The following CREB5 variants were observed in gnomAD, a reference collection of about 807,000 sequenced individuals.
CREB5 encodes the protein cyclic AMP-responsive element-binding protein 5.
In CREB5, 19 loss-of-function variants were observed where a neutral mutation model predicts 57.1. That is an observed-to-expected ratio of 0.33 (90% CI 0.23 to 0.49). The LOEUF (loss-of-function observed/expected upper bound fraction) is 0.49. Among genes scored for constraint, CREB5 ranks in the 20% least tolerant of loss-of-function variants. CREB5 has a pLI of 0.99. For missense variants in CREB5, 579 were observed against 671.6 expected (o/e 0.86, Z 1.52); for synonymous variants, 238 against 238.3 (o/e 1.00, Z 0.01).
chr7:28,479,305 G>A (rs915799296), intron 1 of CREB5, among the ~76,000 whole-genome samples: 13 of 152,118 alleles, frequency 8.5e-5, no homozygotes, highest in Admixed American at 5.9e-4. Context: ...CATATCCCAG[G>A]CCCCTTCCCA....
At chr7:28,754,687 G>A (rs1312193414) in intron 7 of CREB5, among the ~76,000 whole-genome samples, 4 of 152,132 alleles carry the variant, frequency 2.6e-5, no homozygotes, top group Admixed American at 6.5e-5. Context: ...CAGCCAACAC[G>A]ATCCTCATTA....
Position 28,449,872 on chromosome 7 carries a change from T to C in CREB5, c.3+36955T>C, listed in dbSNP as rs1380787269. 2.6e-5 allele frequency among the ~76,000 whole-genome samples: 4 copies of C among 152,336 alleles called. No homozygotes were observed. The East Asian group carries it at 7.7e-4, about 29-fold the overall frequency. On this transcript the variant is annotated intron_variant, in intron 1 of 10. Coordinates refer to ENST00000357727, the MANE Select transcript of CREB5 (RefSeq NM_182898.4). ...TCTCCTAAAAAGGTTTCTGTCAACCTTTCCTCTTTCTCCTATCTCCCTCCC... is the reference window on the plus strand; with the variant it reads ...TCTCCTAAAAAGGTTTCTGTCAACCCTTCCTCTTTCTCCTATCTCCCTCCC...
At chr7:28,657,470 C>A (rs974161718) in intron 5 of CREB5, among the ~76,000 whole-genome samples, 3 of 152,128 alleles carry the variant, frequency 2.0e-5, no homozygotes, top group Non-Finnish European at 4.4e-5. Context: ...GTGGCTCATG[C>A]CTGTAATCCC....
At chr7:28,811,620 C>A (rs1440800851) in intron 9 of CREB5, among the ~76,000 whole-genome samples, 1 of 152,126 alleles carries the variant, frequency 6.6e-6, no homozygotes, top group African/African-American at 2.4e-5. Flanking sequence ...ACCCTCCCAC[C>A]TCGGCCTACA....
chr7:28,508,402 T>C (rs1385740610), intron 4 of CREB5, among the ~76,000 whole-genome samples: 1 of 152,192 alleles, frequency 6.6e-6, no homozygotes, highest in African/African-American at 2.4e-5. Flanking sequence ...TTTTGTTCAT[T>C]GTTATTATAC....
At position 28,819,437 on chromosome 7, in the gene CREB5, T is replaced by TA; in HGVS notation, c.*159dup. ...GTTATTATGGAAATGTTGTCTTTTA[T>TA]ACTTAGTTATATAAGAAAAAAGGGA... On this transcript the variant is annotated 3_prime_UTR_variant, in exon 11 of 11. Coordinates refer to ENST00000357727, the MANE Select transcript of CREB5 (RefSeq NM_182898.4). 2 of 692,568 alleles carry TA rather than the reference T, an allele frequency of 2.9e-6. No individual in the cohort carries two copies. The highest frequency in any genetic ancestry group is 4.5e-6 in the Non-Finnish European group (2 of 444,094). 42.9% of individuals were successfully genotyped at this position (692,568 alleles called of 1,614,324 possible). A position where few individuals can be genotyped will look rare whatever the true frequency, so the allele number is the denominator to read the frequency against.
intron 1 of CREB5, among the ~76,000 whole-genome samples, chr7:28,321,322 C>T (rs918883400): frequency 1.2e-4 from 18 of 152,068 alleles, no homozygotes; most frequent in East Asian, 1.2e-3. Flanking sequence ...ATTGTACATG[C>T]GAAATGGCCA....
intron 4 of CREB5, among the ~76,000 whole-genome samples, chr7:28,529,849 C>T (rs1272918606): frequency 2.0e-5 from 3 of 152,174 alleles, no homozygotes; most frequent in Admixed American, 1.3e-4. Flanking sequence ...CCTTTCTATA[C>T]GTTAATCTGC....
intron 1 of CREB5, among the ~76,000 whole-genome samples, chr7:28,392,693 T>A (rs1052484615): frequency 6.6e-6 from 1 of 152,180 alleles, no homozygotes; most frequent in East Asian, 1.9e-4. Context: ...TTTAGAGTGA[T>A]CTGATAGTTC....
chr7:28,473,572 G>A (rs142697581), intron 1 of CREB5, among the ~76,000 whole-genome samples: 26 of 152,288 alleles, frequency 1.7e-4, no homozygotes, highest in African/African-American at 6.3e-4. Context: ...GCCTGGCCCT[G>A]GTAGGTCCTC....
chr7:28,731,737 A>G (rs1309713663), intron 7 of CREB5, among the ~76,000 whole-genome samples: 1 of 152,168 alleles, frequency 6.6e-6, no homozygotes, highest in African/African-American at 2.4e-5. Context: ...ATTTTCTGCA[A>G]TTTGGTTATT....
At chr7:28,561,462 C>T (rs1157261845) in intron 4 of CREB5, among the ~76,000 whole-genome samples, 4 of 152,164 alleles carry the variant, frequency 2.6e-5, no homozygotes, top group Non-Finnish European at 4.4e-5. Flanking sequence ...TGGCTGCTAA[C>T]GTTTATTGGA....
At chr7:28,314,500 T>C (rs1785338895) in intron 1 of CREB5, among the ~76,000 whole-genome samples, 1 of 152,242 alleles carries the variant, frequency 6.6e-6, no homozygotes, top group Non-Finnish European at 1.5e-5. Context: ...TCAGTATCTC[T>C]GAGCTTCATT....
At chr7:28,643,756 G>GT (rs1478078632) in intron 5 of CREB5, among the ~76,000 whole-genome samples, 2 of 82,164 alleles carry the variant, frequency 2.4e-5, no homozygotes, top group African/African-American at 5.1e-5. Flanking sequence ...GGAGGTGGGG[G>GT]GGGGCGGAAG....
chr7:28,399,779 G>A (rs1787415269), intron 1 of CREB5, among the ~76,000 whole-genome samples: 1 of 152,122 alleles, frequency 6.6e-6, no homozygotes, highest in Non-Finnish European at 1.5e-5. Context: ...AGTACAGCTG[G>A]GCGTGGTGGC....
At chr7:28,719,229 G>A (rs965940343) in intron 6 of CREB5, among the ~76,000 whole-genome samples, 7 of 151,038 alleles carry the variant, frequency 4.6e-5, no homozygotes, top group African/African-American at 9.7e-5. Flanking sequence ...CCAGTGAGTC[G>A]TCTAACCAGG....
chr7:28,356,225 A>G (rs1011414226), intron 1 of CREB5, among the ~76,000 whole-genome samples: 17 of 152,214 alleles, frequency 1.1e-4, no homozygotes, highest in South Asian at 4.1e-4. Context: ...ACTCTCCGAC[A>G]AAGTGAATGG....
intron 4 of CREB5, among the ~76,000 whole-genome samples, chr7:28,534,496 G>A (rs574639269): frequency 5.3e-5 from 8 of 152,178 alleles, no homozygotes; most frequent in East Asian, 1.9e-4. Context: ...TCCTGTAATC[G>A]TGGGGCCTCT....
intron 1 of CREB5, among the ~76,000 whole-genome samples, chr7:28,449,483 A>G (rs535101995): frequency 6.6e-6 from 1 of 152,330 alleles, no homozygotes; most frequent in East Asian, 1.9e-4. Flanking sequence ...AAGCTCTCTT[A>G]GGATCCTTTT....
Sources: gnomAD v4.1 joint callset for allele counts (sites outside exome capture counted in the v4.1 genomes callset) on GRCh38, gnomAD v4.1.1 for gene constraint, MANE v1.5 for transcripts, NCBI Gene and HGNC (gene_info 2026-07-23, HGNC 2026-07-21) for gene names.